The following NRXN3 variants were observed in gnomAD, a reference collection of about 807,000 sequenced individuals.
NRXN3 encodes the protein neurexin 3, also known as neurexin III.
NRXN3 carries 32 observed loss-of-function variants against 137.6 expected under a neutral mutation model. The observed-to-expected ratio is 0.23, with a 90% confidence interval of 0.18 to 0.31. NRXN3 has a LOEUF of 0.31. Among genes scored for constraint, NRXN3 ranks in the 10% least tolerant of loss-of-function variants. NRXN3 has a pLI of 1.00. For synonymous variants in NRXN3, 798 were observed against 784.5 expected (o/e 1.02, Z -0.29); for missense variants, 1,574 against 2,062.5 (o/e 0.76, Z 4.59).
chr14:79,461,656 T>C (rs1386589814), intron 15 of NRXN3, among the ~76,000 whole-genome samples: 1 of 152,232 alleles, frequency 6.6e-6, no homozygotes, highest in Non-Finnish European at 1.5e-5. Flanking sequence ...CTTTTGGTTT[T>C]ATTAGCTACA....
chr14:79,624,444 T>A (rs2098259508), intron 16 of NRXN3, among the ~76,000 whole-genome samples: 1 of 151,926 alleles, frequency 6.6e-6, no homozygotes, highest in Non-Finnish European at 1.5e-5. Flanking sequence ...TATATGTATA[T>A]ATATATATAT....
chr14:79,058,877 G>A (rs1475865650), intron 15 of NRXN3, among the ~76,000 whole-genome samples: 1 of 152,160 alleles, frequency 6.6e-6, no homozygotes, highest in Admixed American at 6.5e-5. Context: ...TACCATGTGA[G>A]AAGGTCCAAG....
intron 15 of NRXN3, among the ~76,000 whole-genome samples, chr14:79,225,804 G>A (rs536904227): frequency 5.3e-5 from 8 of 152,146 alleles, no homozygotes; most frequent in Admixed American, 5.2e-4. Flanking sequence ...AATTTCTTGT[G>A]GTTGAAGGAT....
At chr14:78,870,767 A>G (rs1157348505) in intron 10 of NRXN3, among the ~76,000 whole-genome samples, 1 of 151,772 alleles carries the variant, frequency 6.6e-6, no homozygotes, top group African/African-American at 2.4e-5. Flanking sequence ...GCTCCCACAT[A>G]TTATTGAGAG....
chr14:79,609,983 G>C (rs933005707), intron 16 of NRXN3, among the ~76,000 whole-genome samples: 99 of 152,088 alleles, frequency 6.5e-4, no homozygotes, highest in African/African-American at 2.3e-3. Context: ...AGCATTAGGA[G>C]AAATTCCTAA....
At chr14:78,816,309 G>C (rs73319755) in intron 10 of NRXN3, among the ~76,000 whole-genome samples, 2 of 152,106 alleles carry the variant, frequency 1.3e-5, no homozygotes, top group Admixed American at 1.3e-4. Context: ...ATTTATTAGG[G>C]ATTTTTGTAT....
At chr14:79,577,742 A>G (rs556374432) in intron 16 of NRXN3, among the ~76,000 whole-genome samples, 155 of 152,310 alleles carry the variant, frequency 1.0e-3, no homozygotes, top group Middle Eastern at 6.8e-3. Context: ...ATACATGTGT[A>G]TTGAGTAATA....
At chr14:79,054,456 T>C (rs1348462726) in intron 15 of NRXN3, among the ~76,000 whole-genome samples, 4 of 152,170 alleles carry the variant, frequency 2.6e-5, no homozygotes, top group Non-Finnish European at 5.9e-5. Context: ...CATTTACAGC[T>C]TTCTCTCCTT....
chr14:78,705,604 C>A (rs755982997), intron 6 of NRXN3, among the ~76,000 whole-genome samples: 4 of 152,110 alleles, frequency 2.6e-5, no homozygotes, highest in African/African-American at 9.7e-5. Flanking sequence ...GTTTGTGTGC[C>A]GGTTTAGAAT....
intron 15 of NRXN3, among the ~76,000 whole-genome samples, chr14:79,412,614 TAA>T (rs1213332196): frequency 7.9e-6 from 1 of 126,706 alleles, no homozygotes; most frequent in Non-Finnish European, 1.8e-5. Flanking sequence ...CCCCATCTAC[TAA>T]AAAAAAAATA....
intron 16 of NRXN3, among the ~76,000 whole-genome samples, chr14:79,499,916 AG>A (rs1187946874): frequency 6.7e-6 from 1 of 149,136 alleles, no homozygotes; most frequent in African/African-American, 2.5e-5. Context: ...TCTTTATATT[AG>A]GCCCCCTGTG....
intron 17 of NRXN3, among the ~76,000 whole-genome samples, chr14:79,690,955 T>C (rs959161939): frequency 1.3e-5 from 2 of 152,146 alleles, no homozygotes; most frequent in African/African-American, 4.8e-5. Flanking sequence ...TTTTTAATAT[T>C]GGTAGTTTGG....
chr14:79,447,523 A>G (rs574015918), intron 15 of NRXN3, among the ~76,000 whole-genome samples: 2 of 152,276 alleles, frequency 1.3e-5, no homozygotes, highest in African/African-American at 4.8e-5. Context: ...CCAGGGTCCA[A>G]AATTTCTATT....
chr14:79,101,069 G>A (rs1015245662), intron 15 of NRXN3, among the ~76,000 whole-genome samples: 4 of 152,138 alleles, frequency 2.6e-5, no homozygotes, highest in East Asian at 1.9e-4. Context: ...TAACACTTTG[G>A]CAGAATGTAA....
intron 10 of NRXN3, among the ~76,000 whole-genome samples, chr14:78,947,128 C>T (rs1359381234): frequency 6.6e-6 from 1 of 152,146 alleles, no homozygotes; most frequent in African/African-American, 2.4e-5. Flanking sequence ...CAGTTGCATA[C>T]ACCAGATGCT....
chr14:78,611,384 C>G (rs1172728551), intron 4 of NRXN3, among the ~76,000 whole-genome samples: 1 of 151,934 alleles, frequency 6.6e-6, no homozygotes, highest in African/African-American at 2.4e-5. Context: ...TCCCATTCCT[C>G]CCTTCTATAG....
chr14:79,134,216 C>G (rs186573823), intron 15 of NRXN3, among the ~76,000 whole-genome samples: 83 of 152,272 alleles, frequency 5.5e-4, no homozygotes, highest in African/African-American at 1.9e-3. Flanking sequence ...GCCACCTATT[C>G]TCAGCAGGCA....
rs189278109 is a variant in NRXN3, at chr14:79,673,415, G to A, written c.3616+9466G>A. On this transcript the variant is annotated intron_variant, in intron 17 of 20. Transcript: ENST00000335750. ...GGGACTAAGTTTATAAGTAGCAAAT[G>A]TCAATTCGACAGAACTTAAATGCTG... 1.4e-4 allele frequency among the ~76,000 whole-genome samples: 22 copies of A among 152,216 alleles called. No individual in the cohort carries two copies. In the East Asian group the frequency reaches 4.3e-3, roughly 29 times the overall value.
chr14:78,504,011 G>A (rs140997008), intron 4 of NRXN3, among the ~76,000 whole-genome samples: 1 of 152,280 alleles, frequency 6.6e-6, no homozygotes, highest in African/African-American at 2.4e-5. Flanking sequence ...CAGAATGAAA[G>A]GAAGTTTAAT....
Sources: gnomAD v4.1 joint callset for allele counts (sites outside exome capture counted in the v4.1 genomes callset) on GRCh38, gnomAD v4.1.1 for gene constraint, MANE v1.5 for transcripts, NCBI Gene and HGNC (gene_info 2026-07-23, HGNC 2026-07-21) for gene names.